The following CLIP4 variants were observed in gnomAD, a reference collection of about 807,000 sequenced individuals.
CLIP4 encodes the protein CAP-Gly domain-containing linker protein 4.
Under a neutral mutation model 73.1 loss-of-function variants are expected in CLIP4, and 47 were observed. The ratio of observed to expected loss-of-function variants is 0.64; its 90% confidence interval spans 0.51 to 0.82. The LOEUF (loss-of-function observed/expected upper bound fraction) is 0.82, where lower values mean the gene tolerates loss of function less well. Among genes scored for constraint, CLIP4 ranks in the 40% least tolerant of loss-of-function variants. The pLI is 0.00. For missense variants in CLIP4, 874 were observed against 852.9 expected (o/e 1.02, Z -0.31); for synonymous variants, 306 against 295.4 (o/e 1.04, Z -0.37).
chr2:29,117,303 T>G (rs533733430), intron 1 of CLIP4, among the ~76,000 whole-genome samples: 1 of 151,508 alleles, frequency 6.6e-6, no homozygotes, highest in East Asian at 1.9e-4. Flanking sequence ...ATTTTAATAT[T>G]TTTTTTCTTT....
At chr2:29,169,018 T>TTCAA (rs1364497141) in intron 14 of CLIP4, among the ~76,000 whole-genome samples, 8 of 152,116 alleles carry the variant, frequency 5.3e-5, no homozygotes, top group African/African-American at 1.9e-4. Context: ...ATTTGTATGA[T>TTCAA]ACCAATCCTT....
In CLIP4 at chr2:29,132,237, A is replaced by G. The variant is rs1187304620; in HGVS notation, c.359A>G (p.His120Arg). ...LLHYTCKSGA[H>R]GIGDVETAVK... Reference sequence around the variant, plus strand: ...CATTATACCTGCAAATCTGGAGCTCATGGTATTGGTAAGTGTGTGGTAAAT... The same window carrying G: ...CATTATACCTGCAAATCTGGAGCTCGTGGTATTGGTAAGTGTGTGGTAAAT... Residue 120 changes from histidine to arginine, a missense_variant, in exon 4 of 16, where the codon CAT (histidine) becomes CGT (arginine). Physicochemically the swap from His to Arg is conservative, Grantham distance 29. Transcript: ENST00000320081. 1 of 1,612,336 alleles carries G rather than the reference A, an allele frequency of 6.2e-7. No homozygotes were observed. Among genetic ancestry groups the G allele is most frequent in the Non-Finnish European group, 8.5e-7 (1 of 1,178,496 alleles).
intron 12 of CLIP4, among the ~76,000 whole-genome samples, chr2:29,161,857 T>C (rs1285875899): frequency 6.6e-6 from 1 of 152,144 alleles, no homozygotes; most frequent in Non-Finnish European, 1.5e-5. Context: ...AGAACGAAAG[T>C]AGTCACTGCC....
chr2:29,160,550 G>A (rs1667220739), intron 12 of CLIP4, 83 bp downstream of exon 12: 2 of 1,487,608 alleles, frequency 1.3e-6, no homozygotes, highest in South Asian at 1.3e-5. Flanking sequence ...GAATTTAATT[G>A]TAGAGAAATC....
chr2:29,152,723 G>T lies in CLIP4; in HGVS notation c.1060G>T (p.Gly354Cys). ...APLSKISKAK[G>C]RRKNITHTPS... ...TCTTTCAAAGATAAGTAAAGCAAAA[G>T]GTCGAAGGAAGAATATAACACACAC... is the stretch of plus-strand genomic sequence containing the variant. The change falls in exon 9 of 16, where the codon GGT becomes TGT. Residue 354 changes from glycine to cysteine, a missense_variant. Physicochemically the swap from Gly to Cys is radical, Grantham distance 159. Transcript: ENST00000320081. The T allele has an allele frequency of 6.2e-7, 1 of 1,613,574 alleles. No individual in the cohort carries two copies. Among genetic ancestry groups the T allele is most frequent in the Non-Finnish European group, 8.5e-7 (1 of 1,179,732 alleles).
intron 11 of CLIP4, among the ~76,000 whole-genome samples, chr2:29,158,345 A>T (rs1427537946): frequency 2.7e-5 from 4 of 146,664 alleles, no homozygotes; most frequent in Non-Finnish European, 4.5e-5. Context: ...CTTGATTTTA[A>T]AATTTATACA....
intron 1 of CLIP4, among the ~76,000 whole-genome samples, chr2:29,119,053 C>G (rs1288921820): frequency 6.6e-6 from 1 of 152,036 alleles, no homozygotes; most frequent in Non-Finnish European, 1.5e-5. Context: ...TTTGGGAGGA[C>G]AAAAGGTAGA....
chr2:29,104,304 G>C (rs914833070), intron 1 of CLIP4, among the ~76,000 whole-genome samples: 1 of 151,218 alleles, frequency 6.6e-6, no homozygotes, highest in African/African-American at 2.4e-5. Context: ...TTTTGAGACA[G>C]GGTCTCTGTC....
At chr2:29,142,365 G>A (rs1426662264) in intron 6 of CLIP4, among the ~76,000 whole-genome samples, 1 of 151,834 alleles carries the variant, frequency 6.6e-6, no homozygotes, top group Non-Finnish European at 1.5e-5. Flanking sequence ...TAACAGAAGT[G>A]TGTGACAGGT....
At chr2:29,171,871 T>C (rs1478313405) in intron 14 of CLIP4, among the ~76,000 whole-genome samples, 2 of 152,160 alleles carry the variant, frequency 1.3e-5, no homozygotes, top group Admixed American at 1.3e-4. Flanking sequence ...CCTGAGAGTC[T>C]TACTCATTTG....
At chr2:29,109,230 C>T (rs1191792763) in intron 1 of CLIP4, among the ~76,000 whole-genome samples, 3 of 152,052 alleles carry the variant, frequency 2.0e-5, no homozygotes, top group East Asian at 1.9e-4. Context: ...CTTCTGGAGG[C>T]GTCTTATTGG....
At chr2:29,101,018 C>T (rs1282024968) in intron 1 of CLIP4, among the ~76,000 whole-genome samples, 1 of 151,900 alleles carries the variant, frequency 6.6e-6, no homozygotes, top group Non-Finnish European at 1.5e-5. Flanking sequence ...CGCCCAAGTG[C>T]AGTGGTTCAC....
intron 2 of CLIP4, among the ~76,000 whole-genome samples, chr2:29,130,293 A>C (rs1664883035): frequency 6.6e-6 from 1 of 152,226 alleles, no homozygotes; most frequent in African/African-American, 2.4e-5. Flanking sequence ...ATAAATATTA[A>C]GTTAGTAAAA....
intron 14 of CLIP4, among the ~76,000 whole-genome samples, 167 bp from the exon 15 acceptor site, chr2:29,174,206 C>T (rs1434463322): frequency 6.6e-6 from 1 of 152,062 alleles, no homozygotes; most frequent in African/African-American, 2.4e-5. Context: ...TCCCACTAGG[C>T]CTCCCAAAGT....
In CLIP4 at chr2:29,181,889, G is replaced by C; in HGVS notation, c.2114G>C (p.Cys705Ser). 1 of 1,595,912 alleles carries C rather than the reference G, an allele frequency of 6.3e-7. No individual in the cohort carries two copies. Among genetic ancestry groups the C allele is most frequent in the Non-Finnish European group, 8.6e-7 (1 of 1,169,030 alleles). ...INGSKLVDEN[C>S] is the part of the protein sequence containing the mutation. ...GGGTCAAAACTTGTGGATGAGAATTGTTAAGCTTCTAAAATATTAAATAAG... is the reference window on the plus strand; with the variant it reads ...GGGTCAAAACTTGTGGATGAGAATTCTTAAGCTTCTAAAATATTAAATAAG... Residue 705 changes from cysteine to serine, a missense_variant, in exon 16 of 16, where the codon TGT (cysteine) becomes TCT (serine). Physicochemically the swap from Cys to Ser is moderately radical, Grantham distance 112. Transcript: ENST00000320081.
At position 29,181,918 on chromosome 2, in the gene CLIP4, A is replaced by G. The variant is rs1284371689; in HGVS notation, c.*25A>G. The G allele has an allele frequency of 6.5e-7, 1 of 1,535,520 alleles. No individual in the cohort carries two copies. Among genetic ancestry groups the G allele is most frequent in the East Asian group, 2.3e-5 (1 of 44,162 alleles). On this transcript the variant is annotated 3_prime_UTR_variant, in exon 16 of 16. Transcript: ENST00000320081. The stretch of plus-strand genomic sequence containing the variant: ...AGCTTCTAAAATATTAAATAAGCTC[A>G]AATATATATATTTGGTGTAAATAAA...
chr2:29,149,759 T>C (rs1386713360), intron 8 of CLIP4, among the ~76,000 whole-genome samples: 1 of 151,560 alleles, frequency 6.6e-6, no homozygotes, highest in Non-Finnish European at 1.5e-5. Flanking sequence ...ATGCAAACTA[T>C]ATAGATGAAG....
chr2:29,139,541 A>G (rs1050885288), intron 6 of CLIP4, among the ~76,000 whole-genome samples: 1 of 151,976 alleles, frequency 6.6e-6, no homozygotes, highest in Non-Finnish European at 1.5e-5. Flanking sequence ...TTTTCATATC[A>G]TTTTGGTAGG....
At chr2:29,107,358 G>GTTTTTTTTTTTTTTTTTTTTTTTT (rs796180363) in intron 1 of CLIP4, among the ~76,000 whole-genome samples, 1 of 65,360 alleles carries the variant, frequency 1.5e-5, no homozygotes, top group Non-Finnish European at 3.0e-5. Flanking sequence ...GAACATGATA[G>GTTTTTTTTTTTTTTTTTTTTTTTT]TTTTTTTTTT....
Sources: gnomAD v4.1 joint callset for allele counts (sites outside exome capture counted in the v4.1 genomes callset) on GRCh38, gnomAD v4.1.1 for gene constraint, MANE v1.5 for transcripts, NCBI Gene and HGNC (gene_info 2026-07-23, HGNC 2026-07-21) for gene names.